Variants in ROR2 observed in about 807,000 individuals in gnomAD.
ROR2 encodes tyrosine-protein kinase transmembrane receptor ROR2.
ROR2 carries 33 observed loss-of-function variants against 74.9 expected under a neutral mutation model. The observed-to-expected ratio is 0.44, with a 90% CI of 0.33 to 0.59. The LOEUF (loss-of-function observed/expected upper bound fraction) is 0.59, where lower values mean the gene tolerates loss of function less well. ROR2 is among the 20% of genes least tolerant of loss of function. The probability of loss-of-function intolerance (pLI) is 0.02; values close to 1 mark genes in which losing one functional copy is unlikely to be tolerated. For synonymous variants in ROR2, 586 were observed against 558.7 expected, an observed-to-expected ratio of 1.05 and a Z score of -0.69; for missense variants, 1,216 against 1,313.8, an observed-to-expected ratio of 0.93 and a Z score of 1.15.
chr9:91,877,041 T>C (rs1314365623), intron 1 of ROR2, among the ~76,000 whole-genome samples: 4 of 151,856 alleles, frequency 2.6e-5, no homozygotes, highest in South Asian at 4.2e-4. Flanking sequence ...CAAAAACAAG[T>C]CACCAGAAAA....
chr9:91,729,479 A>G (rs944975763), intron 7 of ROR2, among the ~76,000 whole-genome samples: 1 of 152,220 alleles, frequency 6.6e-6, no homozygotes, highest in Non-Finnish European at 1.5e-5. Context: ...GGCAATGCCA[A>G]ATCTGGAGCT....
chr9:91,763,136 C>T (rs1825965393), intron 2 of ROR2, among the ~76,000 whole-genome samples: 1 of 152,122 alleles, frequency 6.6e-6, no homozygotes, highest in African/African-American at 2.4e-5. Context: ...TACACATGGA[C>T]ATAAAGAAGG....
At chr9:91,850,805 C>T (rs540181940) in intron 1 of ROR2, among the ~76,000 whole-genome samples, 1 of 152,248 alleles carries the variant, frequency 6.6e-6, no homozygotes, top group Admixed American at 6.5e-5. Context: ...TCCTTTGCCC[C>T]TTCAATAGGG....
At chr9:91,845,540 C>A (rs1358485848) in intron 1 of ROR2, among the ~76,000 whole-genome samples, 1 of 152,092 alleles carries the variant, frequency 6.6e-6, no homozygotes, top group East Asian at 1.9e-4. Context: ...ATGCTCACAC[C>A]AAAGCATGGT....
chr9:91,925,466 A>ATGTGTGTGTGTGTGTGTGTGTG (rs35012954), intron 1 of ROR2, among the ~76,000 whole-genome samples: 21 of 144,614 alleles, frequency 1.5e-4, no homozygotes, highest in Admixed American at 1.3e-3. Flanking sequence ...AGCTGCCTGT[A>ATGTGTGTGTGTGTGTGTGTGTG]TGTGTGTGTG....
At chr9:91,758,798 G>A (rs1825832749) in intron 2 of ROR2, among the ~76,000 whole-genome samples, 1 of 152,232 alleles carries the variant, frequency 6.6e-6, no homozygotes, top group Non-Finnish European at 1.5e-5. Flanking sequence ...CATGTGTGGT[G>A]TTTGTGTGGT....
intron 4 of ROR2, among the ~76,000 whole-genome samples, chr9:91,740,557 G>A (rs949090485): frequency 1.4e-5 from 2 of 145,848 alleles, no homozygotes; most frequent in Non-Finnish European, 1.5e-5. Flanking sequence ...GTTTCGGGCG[G>A]GGGGGGGAAT....
At chr9:91,736,282 T>C (rs1383619330) in intron 5 of ROR2, among the ~76,000 whole-genome samples, 1 of 152,150 alleles carries the variant, frequency 6.6e-6, no homozygotes, top group Non-Finnish European at 1.5e-5. Context: ...GGCCAGGCAG[T>C]CTCTTCTGTG....
rs552528721 is a variant in ROR2, at chr9:91,724,245, C to T, written c.2249G>A (p.Gly750Asp). ...CGAGCTGTTGTAGTTGGAAAGGTTG[C>T]CCCAGGCTCGGAGCCGGCTGTGGAT... ...KDIHSRLRAW[G>D]NLSNYNSSAQ... The change falls in exon 9 of 9, where the codon GGC becomes GAC. Residue 750 changes from glycine to aspartate, a missense_variant. Gly to Asp is a moderately conservative substitution (Grantham distance 94). Transcript: ENST00000375708. 2.8e-5 allele frequency: 45 copies of T among 1,613,480 alleles called. No individual in the cohort carries two copies. In the East Asian group the frequency reaches 8.7e-4, roughly 31 times the overall value.
intron 1 of ROR2, among the ~76,000 whole-genome samples, chr9:91,816,068 C>T (rs1827920496): frequency 6.6e-6 from 1 of 152,144 alleles, no homozygotes; most frequent in African/African-American, 2.4e-5. Flanking sequence ...CACCCGATGC[C>T]ATCTGGCTCC....
intron 1 of ROR2, among the ~76,000 whole-genome samples, chr9:91,940,690 G>A (rs1308168722): frequency 2.6e-5 from 3 of 117,646 alleles, no homozygotes; most frequent in Non-Finnish European, 4.9e-5. Context: ...TGCCTCCTGG[G>A]TCCAAGTGAT....
At chr9:91,818,032 A>G (rs982832136) in intron 1 of ROR2, among the ~76,000 whole-genome samples, 1 of 152,184 alleles carries the variant, frequency 6.6e-6, no homozygotes, top group African/African-American at 2.4e-5. Context: ...CGGTGATCAC[A>G]TGAGCCTTTG....
At chr9:91,844,696 G>C (rs1828872701) in intron 1 of ROR2, among the ~76,000 whole-genome samples, 1 of 152,130 alleles carries the variant, frequency 6.6e-6, no homozygotes, top group Admixed American at 6.5e-5. Flanking sequence ...GTCTTAATAG[G>C]TGTAATAGGT....
rs753371692 is a variant in ROR2 at position 91,724,027 on chromosome 9, C to T, written c.2467G>A (p.Gly823Ser). The T allele has an allele frequency of 7.4e-6, 12 of 1,612,172 alleles. No homozygotes were observed. The highest frequency in any genetic ancestry group is 1.3e-5 in the African/African-American group (1 of 74,916). ...PPPQLYVPVN[G>S]YQPVPAYGAY... is the part of the protein sequence containing the mutation. ...CCATAGGCCGGCACCGGCTGGTAGC[C>T]GTTGACGGGGACGTAGAGCTGCGGC... is the stretch of plus-strand genomic sequence containing the variant. Residue 823 changes from glycine (G) to serine (S), a missense_variant, in exon 9 of 9, where the codon GGC (glycine) becomes AGC (serine). Physicochemically the swap from Gly to Ser is moderately conservative, Grantham distance 56. Transcript: ENST00000375708.
At chr9:91,787,904 A>C (rs10761130) in intron 1 of ROR2, among the ~76,000 whole-genome samples, 71,550 of 152,138 alleles carry the variant, frequency 0.47, 19,666 homozygotes, top group Non-Finnish European at 0.62. Flanking sequence ...AACTGAGCTA[A>C]CCAGCCATAC....
intron 1 of ROR2, among the ~76,000 whole-genome samples, chr9:91,931,660 C>G (rs1432078162): frequency 2.0e-5 from 3 of 151,956 alleles, no homozygotes; most frequent in African/African-American, 4.8e-5. Context: ...CATAGCAGAT[C>G]ACACTATCTA....
chr9:91,762,855 A>G (rs912226820), intron 2 of ROR2, among the ~76,000 whole-genome samples: 2 of 152,200 alleles, frequency 1.3e-5, no homozygotes, highest in African/African-American at 2.4e-5. Context: ...ACTGTAAGCT[A>G]TTTCCACATT....
At chr9:91,860,748 T>C (rs568742531) in intron 1 of ROR2, among the ~76,000 whole-genome samples, 44 of 152,100 alleles carry the variant, frequency 2.9e-4, no homozygotes, top group African/African-American at 7.7e-4. Flanking sequence ...TCCAGGCCCA[T>C]TGGATGGTGC....
chr9:91,813,473 C>T (rs1248344619), intron 1 of ROR2, among the ~76,000 whole-genome samples: 2 of 152,174 alleles, frequency 1.3e-5, no homozygotes, highest in Non-Finnish European at 2.9e-5. Flanking sequence ...TGGAACAGCA[C>T]TCAGGGCCCA....
Sources: allele counts gnomAD v4.1 joint callset (sites outside exome capture counted in the v4.1 genomes callset), GRCh38; gene constraint gnomAD v4.1.1; transcripts MANE v1.5; gene names NCBI Gene and HGNC (gene_info 2026-07-23, HGNC 2026-07-21).